COLEC12: variants seen among roughly 807,000 people sequenced by gnomAD.
COLEC12 encodes collectin-12.
In COLEC12, 33 loss-of-function variants were observed where a neutral mutation model predicts 71.1. That is an observed-to-expected ratio of 0.46 (90% CI 0.35 to 0.62). The LOEUF (loss-of-function observed/expected upper bound fraction) is 0.62, where lower values mean the gene tolerates loss of function less well. Ranked by LOEUF, COLEC12 falls within the 20% of genes least tolerant of loss-of-function variation. The pLI, the probability that COLEC12 is intolerant of heterozygous loss-of-function variation, is 0.00. For missense variants in COLEC12, 765 were observed against 916.1 expected (o/e 0.84, Z 2.13); for synonymous variants, 350 against 353.0 (o/e 0.99, Z 0.10).
chr18:499,639 G>C (rs1917780486), intron 1 of COLEC12, among the ~76,000 whole-genome samples: 1 of 152,202 alleles, frequency 6.6e-6, no homozygotes, highest in Non-Finnish European at 1.5e-5. Flanking sequence ...CACCACGCGG[G>C]CCCATTCCTG....
intron 2 of COLEC12, among the ~76,000 whole-genome samples, chr18:421,644 C>T (rs745596183): frequency 6.6e-6 from 1 of 152,164 alleles, no homozygotes; most frequent in Non-Finnish European, 1.5e-5. Flanking sequence ...AAAGTCGGTG[C>T]TGAAGCCACA....
intron 5 of COLEC12, 78 bp from the exon 6 acceptor site, chr18:335,308 A>G (rs1914094153): frequency 6.8e-7 from 1 of 1,471,830 alleles, no homozygotes. Flanking sequence ...TTCTTATAAA[A>G]TCTCCAAATT....
At chr18:376,259 C>A (rs1007933435) in intron 2 of COLEC12, among the ~76,000 whole-genome samples, 2 of 152,174 alleles carry the variant, frequency 1.3e-5, no homozygotes, top group African/African-American at 4.8e-5. Flanking sequence ...CTTTACACTG[C>A]ATGGATCTAA....
At chr18:406,064 C>A (rs1915779144) in intron 2 of COLEC12, among the ~76,000 whole-genome samples, 1 of 152,094 alleles carries the variant, frequency 6.6e-6, no homozygotes, top group Non-Finnish European at 1.5e-5. Flanking sequence ...ATGAGAGTGA[C>A]CCCTGGTCGT....
rs901063312 is a variant in COLEC12 at position 499,408 on chromosome 18, T to C, written c.7+1100A>G. On this transcript the variant is annotated intron_variant, in intron 1 of 9. Transcript: ENST00000400256. ...CGGTTAGTTCCGCGGGAGCTGCCCT[T>C]CAGAAAAAAAACTTTCCAGAGCCAA... is the stretch of plus-strand genomic sequence containing the variant. 3.9e-5 allele frequency among the ~76,000 whole-genome samples: 6 copies of C among 152,200 alleles called. No individual in the cohort carries two copies. The South Asian group carries it at 1.2e-3, about 32-fold the overall frequency.
intron 2 of COLEC12, among the ~76,000 whole-genome samples, chr18:418,665 T>C (rs1916035797): frequency 6.6e-6 from 1 of 152,254 alleles, no homozygotes; most frequent in Non-Finnish European, 1.5e-5. Context: ...GAGTGACCTC[T>C]GGTCGTCCTG....
intron 8 of COLEC12, among the ~76,000 whole-genome samples, chr18:325,916 C>T (rs558218606): frequency 3.3e-5 from 5 of 152,022 alleles, no homozygotes; most frequent in South Asian, 2.1e-4. Flanking sequence ...CTCCCGCCTT[C>T]GCCTCCCAAA....
chr18:317,216 ACT>A lies in COLEC12; in HGVS notation c.*2827_*2828del, dbSNP rs1282890329. On this transcript the variant is annotated 3_prime_UTR_variant, in exon 10 of 10. Coordinates refer to ENST00000400256, the MANE Select transcript of COLEC12 (RefSeq NM_130386.3). ...ACTCCAGCCTGGGTGACAGAGCGAG[ACT>A]CTGTCTTAAAAACAAAAACAAACAA... 6.6e-6 allele frequency: 1 copy of A among 152,206 alleles called. No homozygotes were observed. The highest frequency in any genetic ancestry group is 2.4e-5 in the African/African-American group (1 of 41,426). 9.4% of individuals were successfully genotyped at this position (152,206 alleles called of 1,614,324 possible).
chr18:430,131 A>G (rs1284835892), intron 2 of COLEC12, among the ~76,000 whole-genome samples: 1 of 152,150 alleles, frequency 6.6e-6, no homozygotes, highest in Non-Finnish European at 1.5e-5. Flanking sequence ...TGAGGCCAGG[A>G]GTTCAAGACC....
intron 9 of COLEC12, among the ~76,000 whole-genome samples, chr18:320,660 CAA>C (rs1330007278): frequency 1.3e-5 from 2 of 152,210 alleles, no homozygotes; most frequent in East Asian, 3.8e-4. Flanking sequence ...GGTATAGTCA[CAA>C]AGTTATGCAA....
At chr18:491,009 T>C (rs556972065) in intron 1 of COLEC12, among the ~76,000 whole-genome samples, 62 of 152,350 alleles carry the variant, frequency 4.1e-4, no homozygotes, top group African/African-American at 1.4e-3. Context: ...CAAAATGGTA[T>C]GGTATCACTG....
chr18:409,465 C>T (rs528885618), intron 2 of COLEC12, among the ~76,000 whole-genome samples: 101 of 152,226 alleles, frequency 6.6e-4, no homozygotes, highest in Middle Eastern at 6.8e-3. Flanking sequence ...GTGGAGGTTG[C>T]AGTGAGCCAA....
At chr18:394,956 T>C (rs965768293) in intron 2 of COLEC12, among the ~76,000 whole-genome samples, 2 of 152,362 alleles carry the variant, frequency 1.3e-5, no homozygotes, top group Admixed American at 6.5e-5. Flanking sequence ...ACACCTGGTA[T>C]TGAAGTCCTA....
intron 2 of COLEC12, among the ~76,000 whole-genome samples, chr18:415,946 T>C (rs890271431): frequency 1.3e-4 from 20 of 152,374 alleles, no homozygotes; most frequent in Middle Eastern, 6.8e-3. Context: ...GTGTTGAATA[T>C]GTTTGGCTTA....
Position 480,733 on chromosome 18 carries a change from ACCT to A in COLEC12, c.29_31del (p.Glu10del), listed in dbSNP as rs763250284. The A allele has an allele frequency of 2.5e-6, 4 of 1,613,324 alleles. No homozygotes were observed. The highest frequency in any genetic ancestry group is 2.7e-5 in the African/African-American group (2 of 74,788). ...AAACCGCTTGTAACCGAAGGATTGCACCTCCTCCTCCTCTGCGAAGTCGTCTGT... is the reference window on the plus strand; with the variant it reads ...AAACCGCTTGTAACCGAAGGATTGCACCTCCTCCTCTGCGAAGTCGTCTGT... On this transcript the variant is annotated inframe_deletion, in exon 2 of 10. Coordinates refer to ENST00000400256, the MANE Select transcript of COLEC12 (RefSeq NM_130386.3). This position sits in a 1 kb window ranked among gnomAD's most constrained non-coding sequence, Gnocchi z 4.1.
chr18:458,224 C>T (rs1376408109), intron 2 of COLEC12, among the ~76,000 whole-genome samples: 4 of 152,186 alleles, frequency 2.6e-5, no homozygotes, highest in Non-Finnish European at 4.4e-5. Flanking sequence ...CATCAGGGAC[C>T]GGAAACTCTA....
Position 335,139 on chromosome 18 carries a change from C to T in COLEC12, c.1419G>A (p.Gly473=). Residue 473 remains glycine (G), a synonymous_variant, in exon 6 of 10, where the codon GGG becomes GGA. Transcript: ENST00000400256. ...CCGCAGGGCCAGGTGGTCCAGGCTCCCCCTTCTCTCCTTTCTGTCCCTTGT... is the reference window on the plus strand; with the variant it reads ...CCGCAGGGCCAGGTGGTCCAGGCTCTCCCTTCTCTCCTTTCTGTCCCTTGT... ...TGNKGQKGEK[G]EPGPPGPAGE... is the part of the protein sequence containing the mutation. The T allele has an allele frequency of 6.2e-7, 1 of 1,612,802 alleles. No individual in the cohort carries two copies. The highest frequency in any genetic ancestry group is 1.1e-5 in the South Asian group (1 of 91,038).
At chr18:420,602 G>C (rs2143653054) in intron 2 of COLEC12, among the ~76,000 whole-genome samples, 1 of 152,268 alleles carries the variant, frequency 6.6e-6, no homozygotes, top group African/African-American at 2.4e-5. Context: ...ACGCCTGACT[G>C]GACAGTAACT....
At chr18:495,847 C>G (rs1011998174) in intron 1 of COLEC12, among the ~76,000 whole-genome samples, 3 of 152,182 alleles carry the variant, frequency 2.0e-5, no homozygotes, top group African/African-American at 2.4e-5. Flanking sequence ...ACTGATCCCC[C>G]CCGCCACCAA....
Sources: gnomAD v4.1 joint callset for allele counts (sites outside exome capture counted in the v4.1 genomes callset) on GRCh38, gnomAD v4.1.1 for gene constraint, Gnocchi (gnomAD v3.1) non-coding constraint, MANE v1.5 for transcripts, NCBI Gene and HGNC (gene_info 2026-07-23, HGNC 2026-07-21) for gene names.